Variants in PLEK observed in about 807,000 individuals in gnomAD.
PLEK encodes platelet 47 kDa protein.
In PLEK, 25 loss-of-function variants were observed where a neutral mutation model predicts 43.9. The observed-to-expected ratio is 0.57, with a 90% CI of 0.41 to 0.79. PLEK has a LOEUF of 0.79. PLEK is among the 30% of genes least tolerant of loss of function. PLEK has a pLI of 0.00. For synonymous variants in PLEK, 152 were observed against 144.4 expected (o/e 1.05, Z -0.38); for missense variants, 396 against 413.3 (o/e 0.96, Z 0.36).
At chr2:68,390,019 T>A (rs1381247748) in intron 6 of PLEK, among the ~76,000 whole-genome samples, 3 of 121,800 alleles carry the variant, frequency 2.5e-5, no homozygotes, top group African/African-American at 1.0e-4. Context: ...ATGGGGCTCT[T>A]GGAAAGCCAA....
chr2:68,368,383 C>T (rs1265278655), intron 1 of PLEK, among the ~76,000 whole-genome samples: 1 of 152,192 alleles, frequency 6.6e-6, no homozygotes, highest in Non-Finnish European at 1.5e-5. Context: ...AACTGAGGTT[C>T]ACAGAGAATA....
chr2:68,386,461 C>T (rs201381056), intron 4 of PLEK, 41 bp from the exon 5 acceptor site: 11 of 1,534,264 alleles, frequency 7.2e-6, no homozygotes, highest in Middle Eastern at 2.1e-4. Flanking sequence ...GCTTGTTCTT[C>T]GGTAAGGAGA....
At chr2:68,384,151 C>T (rs1673689236) in intron 4 of PLEK, among the ~76,000 whole-genome samples, 1 of 145,456 alleles carries the variant, frequency 6.9e-6, no homozygotes, top group South Asian at 2.3e-4. Context: ...TTTTTTTCTT[C>T]TTGTTCTCCT....
intron 1 of PLEK, among the ~76,000 whole-genome samples, chr2:68,378,997 G>T (rs1162954042): frequency 6.6e-6 from 1 of 152,164 alleles, no homozygotes; most frequent in African/African-American, 2.4e-5. Flanking sequence ...AGCTGGGTGT[G>T]GTTGTGCACA....
At position 68,365,372 on chromosome 2, in the gene PLEK, A is replaced by C. The variant is rs1673244972; in HGVS notation, c.21A>C (p.Arg7Ser). The change falls in exon 1 of 9, where the codon AGA (arginine) becomes AGC (serine). Residue 7 changes from arginine (R) to serine (S), a missense_variant. Physicochemically the swap from Arg to Ser is moderately radical, Grantham distance 110 (BLOSUM62 -1). Transcript: ENST00000234313. ...CCAGCATGGAACCAAAGCGGATCAG[A>C]GAGGGCTACCTTGTGAAGAAGGTGA... MEPKRI[R>S]EGYLVKKGSV... 6.2e-7 allele frequency: 1 copy of C among 1,613,918 alleles called. No homozygotes were observed. Among genetic ancestry groups the C allele is most frequent in the Non-Finnish European group, 8.5e-7 (1 of 1,179,812 alleles).
Position 68,370,302 on chromosome 2 carries a change from C to T in PLEK, c.42+4909C>T, listed in dbSNP as rs545881413. Among the ~76,000 whole-genome samples the T allele has an allele frequency of 7.2e-5, 11 of 152,184 alleles. No homozygotes were observed. The South Asian group carries it at 1.7e-3, about 23-fold the overall frequency. On this transcript the variant is annotated intron_variant, in intron 1 of 8. Transcript: ENST00000234313. Reference sequence around the variant, plus strand: ...GAGAGGGGTTCTAAACACAAATATCCGATTGCCCCAACCCTCAGCCATTGG... The same window carrying T: ...GAGAGGGGTTCTAAACACAAATATCTGATTGCCCCAACCCTCAGCCATTGG...
intron 4 of PLEK, among the ~76,000 whole-genome samples, chr2:68,383,700 G>A (rs1263695357): frequency 1.3e-5 from 2 of 152,154 alleles, no homozygotes; most frequent in African/African-American, 4.8e-5. Context: ...CAGATACCAG[G>A]CCTGGCTTTC....
At chr2:68,381,219 T>C (rs1673607531) in intron 3 of PLEK, among the ~76,000 whole-genome samples, 2 of 152,064 alleles carry the variant, frequency 1.3e-5, no homozygotes, top group Non-Finnish European at 2.9e-5. Context: ...AAATAAAGCT[T>C]TAGGATCTTT....
intron 1 of PLEK, among the ~76,000 whole-genome samples, chr2:68,376,593 A>C (rs1211043081): frequency 6.6e-6 from 1 of 152,132 alleles, no homozygotes; most frequent in Non-Finnish European, 1.5e-5. Context: ...TCTATTAATA[A>C]TGTGATCTTA....
intron 5 of PLEK, among the ~76,000 whole-genome samples, chr2:68,386,960 A>C (rs2103779126): frequency 6.6e-6 from 1 of 152,292 alleles, no homozygotes; most frequent in South Asian, 2.1e-4. Flanking sequence ...CTTGAAAAAA[A>C]ATTTTTAAAG....
At chr2:68,390,464 CAG>C (rs1673837323) in intron 6 of PLEK, among the ~76,000 whole-genome samples, 1 of 152,162 alleles carries the variant, frequency 6.6e-6, no homozygotes, top group Non-Finnish European at 1.5e-5. Context: ...GTGAAGAAAA[CAG>C]AAATCTACGT....
At chr2:68,368,985 G>A (rs1673339612) in intron 1 of PLEK, among the ~76,000 whole-genome samples, 1 of 152,216 alleles carries the variant, frequency 6.6e-6, no homozygotes, top group African/African-American at 2.4e-5. Context: ...TGTGGTAGAA[G>A]TGGAAGAGAG....
intron 6 of PLEK, 90 bp downstream of exon 6, chr2:68,388,581 G>C: frequency 1.4e-6 from 1 of 693,932 alleles, no homozygotes; most frequent in Non-Finnish European, 2.6e-6. Context: ...GGTTTGTTTG[G>C]TTAATAGTCA....
chr2:68,395,362 C>T lies in PLEK; in HGVS notation c.917-318C>T, dbSNP rs555336326. The stretch of plus-strand genomic sequence containing the variant: ...AAACTATTAGAGGTTACTCATTAAA[C>T]GCTGTTGCTATACAAAGGTGAGAAA... On this transcript the variant is annotated intron_variant, in intron 8 of 8. Coordinates refer to ENST00000234313, the MANE Select transcript of PLEK (RefSeq NM_002664.3). Among the ~76,000 whole-genome samples the T allele has an allele frequency of 2.4e-4, 37 of 152,066 alleles. 1 individual carries two copies. The highest frequency in any genetic ancestry group is 9.7e-4 in the East Asian group (5 of 5,176).
intron 1 of PLEK, among the ~76,000 whole-genome samples, chr2:68,379,574 C>T (rs373609669): frequency 5.9e-5 from 9 of 151,970 alleles, no homozygotes; most frequent in Admixed American, 1.3e-4. Flanking sequence ...CAAGATCTGC[C>T]GGCAGTTCTT....
intron 1 of PLEK, among the ~76,000 whole-genome samples, chr2:68,370,864 T>C (rs543162032): frequency 1.2e-4 from 19 of 152,332 alleles, no homozygotes; most frequent in East Asian, 9.6e-4. Context: ...TGAATGAACG[T>C]GTCCCAAATA....
At chr2:68,390,106 G>A (rs1673830720) in intron 6 of PLEK, among the ~76,000 whole-genome samples, 1 of 152,156 alleles carries the variant, frequency 6.6e-6, no homozygotes, top group South Asian at 2.1e-4. Context: ...TAGGAGACCT[G>A]GGATGGTCAA....
chr2:68,367,525 A>G (rs1168211979), intron 1 of PLEK, among the ~76,000 whole-genome samples: 1 of 152,202 alleles, frequency 6.6e-6, no homozygotes, highest in South Asian at 2.1e-4. Context: ...AAACCTAAAG[A>G]CAGAGTTTCC....
rs753069976 is a variant in PLEK, at chr2:68,370,267, G to A, written c.42+4874G>A. ...TTAAAAGAGATGCCTTCACTTTGTA[G>A]GGAGTGTCTGAGAGGGGTTCTAAAC... On this transcript the variant is annotated intron_variant, in intron 1 of 8. Transcript: ENST00000234313. Among the ~76,000 whole-genome samples, 66 of 152,154 alleles carry A rather than the reference G, an allele frequency of 4.3e-4. 1 individual carries two copies. The highest frequency in any genetic ancestry group is 1.2e-4 in the Non-Finnish European group (8 of 68,044).
Sources: gnomAD v4.1 joint callset for allele counts (sites outside exome capture counted in the v4.1 genomes callset) on GRCh38, gnomAD v4.1.1 for gene constraint, MANE v1.5 for transcripts, NCBI Gene and HGNC (gene_info 2026-07-23, HGNC 2026-07-21) for gene names.